The following INTS6 variants were observed in gnomAD, a reference collection of about 807,000 sequenced individuals.
INTS6 encodes the protein integrator complex subunit 6.
Under a neutral mutation model 104.9 loss-of-function variants are expected in INTS6, and 16 were observed. The observed-to-expected ratio is 0.15, with a 90% CI of 0.10 to 0.23. The LOEUF is 0.23. Among genes scored for constraint, INTS6 ranks in the 10% least tolerant of loss-of-function variants. The pLI is 1.00. For synonymous variants in INTS6, 324 were observed against 358.7 expected (o/e 0.90, Z 1.09); for missense variants, 584 against 1,062.8 (o/e 0.55, Z 6.26).
the INTS6 span, among the ~76,000 whole-genome samples, chr13:51,344,832 C>G: frequency 6.6e-6 from 1 of 152,188 alleles, no homozygotes; most frequent in Admixed American, 6.5e-5. Flanking sequence ...GCTCTGCTCT[C>G]ATTTATAATA....
downstream of INTS6, among the ~76,000 whole-genome samples, chr13:51,350,151 A>G (rs1186782475): frequency 2.6e-5 from 4 of 152,162 alleles, no homozygotes; most frequent in Non-Finnish European, 1.5e-5. Flanking sequence ...AAAATTTTGC[A>G]CACTGTGGGT....
chr13:51,377,192 A>G (rs966863641), intron 12 of INTS6, among the ~76,000 whole-genome samples: 2 of 152,088 alleles, frequency 1.3e-5, no homozygotes, highest in Non-Finnish European at 2.9e-5. Context: ...CTTTGGTGAA[A>G]TGTCTGTTCA....
At chr13:51,427,783 T>G (rs1379079764) in intron 4 of INTS6, among the ~76,000 whole-genome samples, 1 of 152,198 alleles carries the variant, frequency 6.6e-6, no homozygotes, top group Admixed American at 6.5e-5. Context: ...TCAATACTTT[T>G]TAAAAATATA....
rs1955619184 is a variant in INTS6, at chr13:51,363,293, C to G, written c.*2459G>C. Reference sequence around the variant, plus strand: ...TGAAAATATAAGGATAATCCAAAACCAGTTCCACAATCCACTGGAATTCTA... The same window carrying G: ...TGAAAATATAAGGATAATCCAAAACGAGTTCCACAATCCACTGGAATTCTA... On this transcript the variant is annotated 3_prime_UTR_variant, in exon 18 of 18. Coordinates refer to ENST00000311234, the MANE Select transcript of INTS6 (RefSeq NM_012141.3). 1 of 151,858 alleles carries G rather than the reference C, an allele frequency of 6.6e-6. No individual in the cohort carries two copies. The highest frequency in any genetic ancestry group is 1.5e-5 in the Non-Finnish European group (1 of 67,856). The allele number at this position is 151,858 out of a possible 1,614,324, so 9.4% of individuals were successfully genotyped here.
chr13:51,362,136 GA>G lies in INTS6; in HGVS notation c.*3615del, dbSNP rs1427182677. ...TCTCAGCTCATATATAGTTAATGTA[GA>G]TTTTTTTTTTTAATGCTATAGGTTT... On this transcript the variant is annotated 3_prime_UTR_variant, in exon 18 of 18. Transcript: ENST00000311234. 6.5e-6 allele frequency: 8 copies of G among 1,237,306 alleles called. No homozygotes were observed. The Admixed American group carries it at 1.1e-4, about 17-fold the overall frequency. 76.6% of individuals were successfully genotyped at this position (1,237,306 alleles called of 1,614,324 possible). A position where few individuals can be genotyped will look rare whatever the true frequency, so the allele number is the denominator to read the frequency against.
chr13:51,452,938 G>A lies in INTS6; in HGVS notation c.-413C>T, dbSNP rs1435209109. ...GAGCTGGCGAAGAGGGGAGTGGGCTGAGGGAAGATTGGCCCTGGGGCTGTT... is the reference window on the plus strand; with the variant it reads ...GAGCTGGCGAAGAGGGGAGTGGGCTAAGGGAAGATTGGCCCTGGGGCTGTT... On this transcript the variant is annotated 5_prime_UTR_variant, in exon 1 of 18. Transcript: ENST00000311234. This position sits in a 1 kb window ranked among gnomAD's most constrained non-coding sequence, Gnocchi z 4.2. The A allele has an allele frequency of 3.8e-6, 4 of 1,060,958 alleles. No individual in the cohort carries two copies. The highest frequency in any genetic ancestry group is 1.7e-5 in the African/African-American group (1 of 57,754). 65.7% of individuals were successfully genotyped at this position (1,060,958 alleles called of 1,614,324 possible).
At chr13:51,367,927 T>C (rs1207448484) in intron 16 of INTS6, 29 bp from the exon 17 acceptor site, 17 of 1,222,308 alleles carry the variant, frequency 1.4e-5, no homozygotes, top group African/African-American at 3.1e-5. Context: ...AAAAGAAAAA[T>C]TAAGTGCCTT....
intron 3 of INTS6, chr13:51,450,299 C>A: frequency 1.0e-6 from 1 of 985,158 alleles, no homozygotes; most frequent in Non-Finnish European, 1.2e-6. Context: ...TGCATTATTC[C>A]TTAGTGAATT....
At chr13:51,336,215 C>T in the INTS6 span, among the ~76,000 whole-genome samples, 6 of 152,162 alleles carry the variant, frequency 3.9e-5, no homozygotes, top group Admixed American at 6.5e-5. Flanking sequence ...CAGTTGGATG[C>T]GGTGGCTCAC....
intron 3 of INTS6, 63 bp from the exon 4 acceptor site, chr13:51,430,446 C>T (rs1392313149): frequency 2.3e-6 from 3 of 1,286,526 alleles, no homozygotes; most frequent in East Asian, 2.3e-5. Flanking sequence ...AGTAAAAAGT[C>T]AATTCTCAGA....
At position 51,364,309 on chromosome 13, in the gene INTS6, C is replaced by G; in HGVS notation, c.*1443G>C. Reference sequence around the variant, plus strand: ...TGCATGTTCTCCACTTTCATCAATGCTTTTCTTCATAAAGTTATAATTTCA... The same window carrying G: ...TGCATGTTCTCCACTTTCATCAATGGTTTTCTTCATAAAGTTATAATTTCA... On this transcript the variant is annotated 3_prime_UTR_variant, in exon 18 of 18. Transcript: ENST00000311234. 2 of 1,335,808 alleles carry G rather than the reference C, an allele frequency of 1.5e-6. No homozygotes were observed. Among genetic ancestry groups the G allele is most frequent in the Non-Finnish European group, 2.0e-6 (2 of 981,126 alleles). The allele number at this position is 1,335,808 out of a possible 1,614,324, so 82.7% of individuals were successfully genotyped here. A position where few individuals can be genotyped will look rare whatever the true frequency, so the allele number is the denominator to read the frequency against.
chr13:51,412,761 T>C (rs140960799), intron 4 of INTS6, among the ~76,000 whole-genome samples: 1 of 152,312 alleles, frequency 6.6e-6, no homozygotes, highest in African/African-American at 2.4e-5. Flanking sequence ...TATATCCACA[T>C]TGTGGCTCAG....
intron 4 of INTS6, among the ~76,000 whole-genome samples, chr13:51,415,089 G>A (rs900061934): frequency 2.6e-5 from 4 of 151,246 alleles, no homozygotes; most frequent in Admixed American, 2.0e-4. Context: ...ACTGCATTCT[G>A]TTATAGCAAC....
At chr13:51,430,455 G>C in intron 3 of INTS6, 72 bp from the exon 4 acceptor site, 1 of 1,105,730 alleles carries the variant, frequency 9.0e-7, no homozygotes, top group Admixed American at 1.9e-5. Context: ...TCAATTCTCA[G>C]AACAGCATAT....
chr13:51,360,158 A>G (rs1202847608), downstream of INTS6, among the ~76,000 whole-genome samples: 1 of 152,098 alleles, frequency 6.6e-6, no homozygotes, highest in Non-Finnish European at 1.5e-5. Flanking sequence ...TGTGCGTGAC[A>G]AACACAAACC....
chr13:51,404,839 C>G (rs1956529987), intron 4 of INTS6, among the ~76,000 whole-genome samples: 1 of 151,988 alleles, frequency 6.6e-6, no homozygotes, highest in Admixed American at 6.6e-5. Flanking sequence ...ATTTTATTGT[C>G]AACATGTGGG....
At chr13:51,351,673 C>A (rs576605514), downstream of INTS6, among the ~76,000 whole-genome samples, 3 of 152,022 alleles carry the variant, frequency 2.0e-5, no homozygotes, top group African/African-American at 7.2e-5. Flanking sequence ...TTGTTTCTTG[C>A]GCTTTCGATG....
chr13:51,401,161 G>A (rs1244583025), intron 4 of INTS6, among the ~76,000 whole-genome samples: 1 of 151,850 alleles, frequency 6.6e-6, no homozygotes, highest in Non-Finnish European at 1.5e-5. Context: ...ACATTTGTAA[G>A]GACCCCTAAC....
At chr13:51,379,193 A>C (rs1055674950) in intron 11 of INTS6, among the ~76,000 whole-genome samples, 1 of 151,968 alleles carries the variant, frequency 6.6e-6, no homozygotes, top group Non-Finnish European at 1.5e-5. Context: ...TCAAAAGATA[A>C]ATAATGTTCA....
Sources: allele counts gnomAD v4.1 joint callset (sites outside exome capture counted in the v4.1 genomes callset), GRCh38; gene constraint gnomAD v4.1.1; non-coding constraint Gnocchi (gnomAD v3.1); transcripts MANE v1.5; gene names NCBI Gene and HGNC (gene_info 2026-07-23, HGNC 2026-07-21).